DPP10: variants seen among roughly 807,000 people sequenced by gnomAD.
DPP10 encodes the protein dipeptidyl peptidase like 10.
A neutral mutation model predicts 120.9 loss-of-function variants in DPP10; 33 were observed. That is an observed-to-expected ratio of 0.27 (90% CI 0.21 to 0.37). DPP10 has a LOEUF of 0.37. DPP10 is among the 10% of genes least tolerant of loss of function. DPP10 has a pLI of 1.00. For missense variants in DPP10, 816 were observed against 942.8 expected, an observed-to-expected ratio of 0.87 and a Z score of 1.76; for synonymous variants, 337 against 326.1, an observed-to-expected ratio of 1.03 and a Z score of -0.36.
chr2:114,995,199 C>G (rs1382991032), intron 1 of DPP10, among the ~76,000 whole-genome samples: 1 of 152,224 alleles, frequency 6.6e-6, no homozygotes, highest in Non-Finnish European at 1.5e-5. Context: ...CCCTTGTCAT[C>G]TCAGCCGTGG....
chr2:114,964,741 G>C (rs996297937), intron 1 of DPP10, among the ~76,000 whole-genome samples: 1 of 152,168 alleles, frequency 6.6e-6, no homozygotes, highest in Non-Finnish European at 1.5e-5. Context: ...AACCTTTAGG[G>C]TCATGGTGAA....
At chr2:115,460,037 A>T (rs183093300) in intron 3 of DPP10, among the ~76,000 whole-genome samples, 29 of 151,530 alleles carry the variant, frequency 1.9e-4, no homozygotes, top group African/African-American at 6.8e-4. Context: ...AAGTACATTT[A>T]TCTTTTTCTT....
rs1441582711 is a variant in DPP10, at chr2:115,739,732, A to G, written c.698-7A>G. ...AGTTGGTCTCAAATAACACTCATTT[A>G]TTCTAGAGGAACTCCTGCATTCTCA... On this transcript the variant is annotated splice_polypyrimidine_tract_variant and splice_region_variant and intron_variant, in intron 8 of 25. Transcript: ENST00000410059. The G allele has an allele frequency of 1.2e-6, 2 of 1,612,776 alleles. No homozygotes were observed. The highest frequency in any genetic ancestry group is 2.2e-5 in the East Asian group (1 of 44,838).
chr2:114,577,121 T>C (rs1485196785), intron 1 of DPP10, among the ~76,000 whole-genome samples: 6 of 152,194 alleles, frequency 3.9e-5, no homozygotes, highest in Non-Finnish European at 8.8e-5. Context: ...AGAATGGTGA[T>C]ATGTATGTTT....
chr2:115,204,514 T>C (rs902523572), intron 1 of DPP10, among the ~76,000 whole-genome samples: 6 of 152,130 alleles, frequency 3.9e-5, no homozygotes, highest in African/African-American at 1.4e-4. Context: ...TACAAAACAT[T>C]TTAGTCACAA....
chr2:115,345,669 T>C (rs2063677114), intron 3 of DPP10, among the ~76,000 whole-genome samples: 1 of 152,174 alleles, frequency 6.6e-6, no homozygotes, highest in Non-Finnish European at 1.5e-5. Context: ...TAGCTTGGAC[T>C]ATTTAGAGGC....
intron 2 of DPP10, chr2:115,342,161 T>C (rs149196129): frequency 2.0e-3 from 894 of 455,184 alleles, no homozygotes; most frequent in Non-Finnish European, 3.3e-3. Context: ...GCACTCTCTA[T>C]CCTTATACTG....
At chr2:114,623,915 ATAAAAT>A (rs1283090447) in intron 1 of DPP10, among the ~76,000 whole-genome samples, 3 of 152,106 alleles carry the variant, frequency 2.0e-5, no homozygotes, top group African/African-American at 7.2e-5. Context: ...TAAAATACAA[ATAAAAT>A]TCATCCAGTC....
chr2:115,642,675 C>T (rs1311161653), intron 5 of DPP10, among the ~76,000 whole-genome samples: 2 of 151,852 alleles, frequency 1.3e-5, no homozygotes, highest in Non-Finnish European at 2.9e-5. Flanking sequence ...TCTCTCTCTC[C>T]CTCTCAGTAT....
intron 5 of DPP10, among the ~76,000 whole-genome samples, chr2:115,582,803 T>C (rs1575240787): frequency 6.6e-6 from 1 of 152,218 alleles, no homozygotes; most frequent in African/African-American, 2.4e-5. Context: ...CTCGGGGTTG[T>C]TAATGGCTTA....
chr2:115,479,570 T>C (rs1351514130), intron 3 of DPP10, among the ~76,000 whole-genome samples: 2 of 152,132 alleles, frequency 1.3e-5, no homozygotes, highest in Non-Finnish European at 2.9e-5. Context: ...TGATAAATTT[T>C]ATATTGTGTG....
intron 1 of DPP10, among the ~76,000 whole-genome samples, chr2:115,116,414 G>A (rs1349494760): frequency 2.0e-5 from 3 of 151,876 alleles, no homozygotes; most frequent in Non-Finnish European, 4.4e-5. Flanking sequence ...TTTATTTATA[G>A]ATGAGAAAAT....
At chr2:115,840,568 C>T (rs901561991) in intron 24 of DPP10, among the ~76,000 whole-genome samples, 182 bp from the exon 25 acceptor site, 1 of 151,902 alleles carries the variant, frequency 6.6e-6, no homozygotes, top group African/African-American at 2.4e-5. Flanking sequence ...TTGTGATCGG[C>T]CCACCTCGGC....
intron 1 of DPP10, among the ~76,000 whole-genome samples, chr2:115,305,262 C>G (rs1251254561): frequency 6.6e-6 from 1 of 152,038 alleles, no homozygotes; most frequent in African/African-American, 2.4e-5. Context: ...TGCCCAGGAT[C>G]ATACCTGTTC....
At chr2:115,187,672 C>T (rs1483144291) in intron 1 of DPP10, among the ~76,000 whole-genome samples, 1 of 152,008 alleles carries the variant, frequency 6.6e-6, no homozygotes, top group Admixed American at 6.6e-5. Flanking sequence ...AGCTGGGAAG[C>T]AGGGATGAAA....
intron 1 of DPP10, among the ~76,000 whole-genome samples, chr2:114,604,179 C>T (rs1692603461): frequency 6.6e-6 from 1 of 151,954 alleles, no homozygotes; most frequent in Admixed American, 6.6e-5. Context: ...TTCCAGACAT[C>T]CTGAAGTGTT....
intron 1 of DPP10, among the ~76,000 whole-genome samples, chr2:114,581,969 G>A (rs778526240): frequency 5.3e-5 from 8 of 152,072 alleles, no homozygotes; most frequent in Non-Finnish European, 8.8e-5. Context: ...CATCATTATC[G>A]TCCAAACTAC....
intron 3 of DPP10, among the ~76,000 whole-genome samples, chr2:115,392,974 T>G (rs1275766687): frequency 1.3e-5 from 2 of 152,198 alleles, no homozygotes; most frequent in Non-Finnish European, 2.9e-5. Flanking sequence ...ATATTTATAT[T>G]GAATTTTCCT....
At chr2:115,725,524 A>G (rs750153586) in intron 7 of DPP10, among the ~76,000 whole-genome samples, 9 of 152,214 alleles carry the variant, frequency 5.9e-5, no homozygotes, top group Non-Finnish European at 1.2e-4. Flanking sequence ...TCAGTTTCAT[A>G]TGGATTCTGA....
Sources: gnomAD v4.1 joint callset for allele counts (sites outside exome capture counted in the v4.1 genomes callset) on GRCh38, gnomAD v4.1.1 for gene constraint, MANE v1.5 for transcripts, NCBI Gene and HGNC (gene_info 2026-07-23, HGNC 2026-07-21) for gene names.